The following AOPEP variants were observed in gnomAD, a reference collection of about 807,000 sequenced individuals.
The protein encoded by AOPEP is aminopeptidase O.
In AOPEP, 77 loss-of-function variants were observed where a neutral mutation model predicts 98.1. The ratio of observed to expected loss-of-function variants is 0.78; its 90% CI spans 0.65 to 0.95. AOPEP has a LOEUF of 0.95. AOPEP is among the 40% of genes least tolerant of loss of function. The pLI is 0.00. For synonymous variants in AOPEP, 346 were observed against 365.3 expected, an observed-to-expected ratio of 0.95 and a Z score of 0.60; for missense variants, 1,024 against 1,024.7, an observed-to-expected ratio of 1.00 and a Z score of 0.01.
chr9:94,924,401 T>TG (rs2054014227), intron 6 of AOPEP, among the ~76,000 whole-genome samples: 1 of 152,084 alleles, frequency 6.6e-6, no homozygotes. Flanking sequence ...GGTCAAGTGT[T>TG]GGAGTACTGT....
At chr9:95,131,491 G>T in the AOPEP span, among the ~76,000 whole-genome samples, 1 of 152,126 alleles carries the variant, frequency 6.6e-6, no homozygotes, top group Non-Finnish European at 1.5e-5. Flanking sequence ...TCGCAACGTG[G>T]GCCTCTTTCT....
intron 5 of AOPEP, among the ~76,000 whole-genome samples, chr9:94,839,612 C>T (rs2042050430): frequency 6.6e-6 from 1 of 152,110 alleles, no homozygotes; most frequent in Admixed American, 6.5e-5. Context: ...TGTATCCAGT[C>T]ATTTTATTTC....
intron 5 of AOPEP, among the ~76,000 whole-genome samples, chr9:94,827,042 T>C (rs995345184): frequency 3.3e-5 from 5 of 152,116 alleles, no homozygotes; most frequent in African/African-American, 1.2e-4. Context: ...ATGATAAAAT[T>C]TGGTTTGTGG....
intron 5 of AOPEP, among the ~76,000 whole-genome samples, chr9:94,802,099 A>T (rs1345058191): frequency 1.3e-5 from 2 of 152,212 alleles, no homozygotes; most frequent in East Asian, 3.8e-4. Context: ...AGGAACTAGG[A>T]TAATTATATA....
At chr9:94,793,240 C>A (rs534592458) in intron 4 of AOPEP, among the ~76,000 whole-genome samples, 1 of 151,760 alleles carries the variant, frequency 6.6e-6, no homozygotes, top group Non-Finnish European at 1.5e-5. Context: ...CCCAGCGACT[C>A]GGGAGGCTGA....
chr9:95,022,621 A>G (rs145437871), intron 13 of AOPEP, among the ~76,000 whole-genome samples: 2,034 of 149,272 alleles, frequency 0.014, 48 homozygotes, highest in African/African-American at 0.046. Context: ...TTACGGGCGT[A>G]AGCCACCGCG....
At chr9:94,975,158 G>A (rs1311860311) in intron 10 of AOPEP, among the ~76,000 whole-genome samples, 1 of 152,092 alleles carries the variant, frequency 6.6e-6, no homozygotes, top group Non-Finnish European at 1.5e-5. Context: ...TTCATCCCTG[G>A]AGGAGGAGGA....
At chr9:94,730,283 CAA>C (rs58829632) in intron 1 of AOPEP, among the ~76,000 whole-genome samples, 6,580 of 60,244 alleles carry the variant, frequency 0.11, 145 homozygotes, top group Admixed American at 0.16. Flanking sequence ...GACTCCATCT[CAA>C]AAAAAAAAAA....
chr9:95,030,336 A>C (rs1208014744), intron 13 of AOPEP, among the ~76,000 whole-genome samples: 1 of 151,864 alleles, frequency 6.6e-6, no homozygotes, highest in Non-Finnish European at 1.5e-5. Context: ...CTACTTTTTA[A>C]AAAAATAATT....
At chr9:95,128,956 G>C in the AOPEP span, among the ~76,000 whole-genome samples, 1 of 151,346 alleles carries the variant, frequency 6.6e-6, no homozygotes, top group Non-Finnish European at 1.5e-5. Flanking sequence ...CCAGGCTGGA[G>C]TGCAGTGGTG....
chr9:95,052,451 C>T (rs2066461444), intron 13 of AOPEP, among the ~76,000 whole-genome samples: 1 of 152,024 alleles, frequency 6.6e-6, no homozygotes, highest in African/African-American at 2.4e-5. Context: ...GAGTTTTTTC[C>T]CCATTTGCTA....
At chr9:94,942,904 C>CAAAAAA (rs35186299) in intron 7 of AOPEP, among the ~76,000 whole-genome samples, 2 of 82,806 alleles carry the variant, frequency 2.4e-5, no homozygotes, top group African/African-American at 8.6e-5. Flanking sequence ...GAGTCTGTCT[C>CAAAAAA]AAAAAAAAAA....
intron 11 of AOPEP, among the ~76,000 whole-genome samples, chr9:94,981,678 TGTG>T (rs1042549468): frequency 1.2e-4 from 19 of 152,126 alleles, no homozygotes; most frequent in African/African-American, 4.6e-4. Flanking sequence ...GCAGGAGGCT[TGTG>T]GTGAATGGGA....
At chr9:95,075,024 CT>C (rs1308750487) in intron 14 of AOPEP, among the ~76,000 whole-genome samples, 1 of 152,210 alleles carries the variant, frequency 6.6e-6, no homozygotes, top group Non-Finnish European at 1.5e-5. Context: ...TCTCCGTGCC[CT>C]GTCCCTGTTT....
chr9:95,065,962 C>T (rs1013202152), intron 14 of AOPEP, among the ~76,000 whole-genome samples: 18 of 152,230 alleles, frequency 1.2e-4, no homozygotes, highest in Non-Finnish European at 1.5e-5. Context: ...TTGTGAGGGT[C>T]ATGGCTGTCC....
chr9:95,098,381 C>CACTT, the AOPEP span, among the ~76,000 whole-genome samples: 6 of 152,176 alleles, frequency 3.9e-5, no homozygotes, highest in African/African-American at 1.4e-4. Context: ...CTTGTCCCAC[C>CACTT]ACTTAGACAC....
chr9:95,102,294 C>T, the AOPEP span, among the ~76,000 whole-genome samples: 366 of 152,288 alleles, frequency 2.4e-3, 2 homozygotes, highest in African/African-American at 8.4e-3. Flanking sequence ...ACAGAAACAG[C>T]CCCTGGCATC....
intron 4 of AOPEP, among the ~76,000 whole-genome samples, chr9:94,797,702 CCT>C (rs1491159388): frequency 1.4e-5 from 2 of 141,446 alleles, no homozygotes; most frequent in African/African-American, 5.7e-5. Context: ...TTCTCTCATA[CCT>C]TTTTTTTTTT....
intron 11 of AOPEP, among the ~76,000 whole-genome samples, chr9:95,004,513 C>T (rs370374326): frequency 2.0e-5 from 3 of 152,266 alleles, no homozygotes; most frequent in South Asian, 4.1e-4. Flanking sequence ...GGCGTAGAAC[C>T]CGGTCCCGGA....
Sources: allele counts gnomAD v4.1 joint callset (sites outside exome capture counted in the v4.1 genomes callset), GRCh38; gene constraint gnomAD v4.1.1; transcripts MANE v1.5; gene names NCBI Gene and HGNC (gene_info 2026-07-23, HGNC 2026-07-21).